TSEN2: variants seen among roughly 807,000 people sequenced by gnomAD.
The protein encoded by TSEN2 is tRNA splicing endonuclease subunit 2, also known as tRNA-splicing endonuclease subunit Sen2.
A neutral mutation model predicts 59.2 loss-of-function variants in TSEN2; 54 were observed. That is an observed-to-expected ratio of 0.91 (90% CI 0.73 to 1.14). TSEN2 has a LOEUF of 1.14. Ranked by LOEUF, TSEN2 falls within the 50% of genes most tolerant of loss-of-function variation. The probability of loss-of-function intolerance (pLI) is 0.00; values close to 1 mark genes in which losing one functional copy is unlikely to be tolerated. For missense variants in TSEN2, 636 were observed against 576.2 expected (o/e 1.10, Z -1.06); for synonymous variants, 195 against 198.2 (o/e 0.98, Z 0.14).
At chr3:12,517,042 C>G (rs1190667804) in intron 7 of TSEN2, among the ~76,000 whole-genome samples, 1 of 152,116 alleles carries the variant, frequency 6.6e-6, no homozygotes, top group Non-Finnish European at 1.5e-5. Flanking sequence ...CTTATCTCCA[C>G]CTGGTTAGAA....
At chr3:12,489,762 G>T (rs754526225) in intron 1 of TSEN2, 22 bp from the exon 2 acceptor site, 1 of 1,599,460 alleles carries the variant, frequency 6.3e-7, no homozygotes, top group Admixed American at 1.7e-5. Context: ...GTTTCTTTCT[G>T]TTTGTTGTCT....
chr3:12,513,397 G>A (rs1160217796), intron 6 of TSEN2, among the ~76,000 whole-genome samples: 11 of 152,096 alleles, frequency 7.2e-5, no homozygotes, highest in Admixed American at 5.9e-4. Context: ...AGGCCGAGGC[G>A]GGCAGATCAC....
At chr3:12,532,309 T>C (rs1348176003) in intron 11 of TSEN2, among the ~76,000 whole-genome samples, 1 of 152,170 alleles carries the variant, frequency 6.6e-6, no homozygotes, top group Non-Finnish European at 1.5e-5. Context: ...ATCAACCTCA[T>C]TTCTCCCTTC....
At chr3:12,522,374 A>G (rs2056717884) in intron 8 of TSEN2, among the ~76,000 whole-genome samples, 1 of 152,148 alleles carries the variant, frequency 6.6e-6, no homozygotes, top group Non-Finnish European at 1.5e-5. Flanking sequence ...TGTACAATTA[A>G]TACATTAATT....
intron 2 of TSEN2, among the ~76,000 whole-genome samples, chr3:12,490,637 G>T (rs1208264487): frequency 6.6e-6 from 1 of 152,204 alleles, no homozygotes; most frequent in African/African-American, 2.4e-5. Flanking sequence ...TCCTCCCATT[G>T]TAAGTATACA....
At chr3:12,513,062 A>C (rs549536141) in intron 6 of TSEN2, among the ~76,000 whole-genome samples, 1 of 152,322 alleles carries the variant, frequency 6.6e-6, no homozygotes, top group Non-Finnish European at 1.5e-5. Context: ...TTTAAATAAA[A>C]CCAACTCAGT....
At chr3:12,514,704 T>C (rs1661844672) in intron 6 of TSEN2, 1 of 152,144 alleles carries the variant, frequency 6.6e-6, no homozygotes, top group Admixed American at 6.5e-5. Flanking sequence ...AAAATAATAA[T>C]AGTGATGTCT....
At chr3:12,510,430 T>C (rs1224423510) in intron 6 of TSEN2, among the ~76,000 whole-genome samples, 1 of 152,216 alleles carries the variant, frequency 6.6e-6, no homozygotes, top group Admixed American at 6.5e-5. Context: ...TATATACTTA[T>C]AAAGCTTTTA....
At chr3:12,513,375 C>T (rs961587095) in intron 6 of TSEN2, among the ~76,000 whole-genome samples, 3 of 152,138 alleles carry the variant, frequency 2.0e-5, no homozygotes, top group Non-Finnish European at 4.4e-5. Context: ...CCTGTAATCT[C>T]AGTACTTTGG....
At chr3:12,506,525 G>A (rs1262904300) in intron 6 of TSEN2, among the ~76,000 whole-genome samples, 1 of 151,576 alleles carries the variant, frequency 6.6e-6, no homozygotes, top group African/African-American at 2.4e-5. Flanking sequence ...AGCCTGGGAG[G>A]TCGAGGCTTT....
rs532991161 is a variant in TSEN2, at chr3:12,520,651, G to A, written c.1099+1454G>A. Among the ~76,000 whole-genome samples, 17 of 152,172 alleles carry A rather than the reference G, an allele frequency of 1.1e-4. No homozygotes were observed. In the East Asian group the frequency reaches 1.2e-3, roughly 10 times the overall value. ...CTAAAAATACAAAAATTAGCTGGGC[G>A]TGGTAGCAGGCACTTGTAATCCCAG... On this transcript the variant is annotated intron_variant, in intron 8 of 11. Transcript: ENST00000284995.
chr3:12,527,021 G>A (rs1215638638), intron 8 of TSEN2, among the ~76,000 whole-genome samples: 1 of 152,222 alleles, frequency 6.6e-6, no homozygotes, highest in Non-Finnish European at 1.5e-5. Context: ...CTTGCCTAAA[G>A]GCACACAACT....
At chr3:12,514,446 GC>G (rs2055838052) in intron 6 of TSEN2, among the ~76,000 whole-genome samples, 1 of 152,110 alleles carries the variant, frequency 6.6e-6, no homozygotes, top group Non-Finnish European at 1.5e-5. Flanking sequence ...GAATCTGGAT[GC>G]TATGGAGAGT....
intron 6 of TSEN2, among the ~76,000 whole-genome samples, chr3:12,515,374 C>T (rs1490116706): frequency 6.6e-6 from 1 of 152,240 alleles, no homozygotes; most frequent in African/African-American, 2.4e-5. Flanking sequence ...TGCTCCCACA[C>T]TGCACAAGAG....
At chr3:12,512,650 G>A (rs1328660421) in intron 6 of TSEN2, among the ~76,000 whole-genome samples, 1 of 152,200 alleles carries the variant, frequency 6.6e-6, no homozygotes, top group South Asian at 2.1e-4. Context: ...TCCTGGTTAG[G>A]CACCTACAAC....
intron 8 of TSEN2, among the ~76,000 whole-genome samples, chr3:12,525,107 G>T (rs915240277): frequency 6.6e-6 from 1 of 151,808 alleles, no homozygotes; most frequent in African/African-American, 2.4e-5. Context: ...GACTTTTTTC[G>T]AAGTCTTTTA....
chr3:12,516,319 G>A (rs765022816), intron 6 of TSEN2, among the ~76,000 whole-genome samples: 2 of 152,074 alleles, frequency 1.3e-5, no homozygotes, highest in Admixed American at 6.6e-5. Flanking sequence ...CCAGCTACTC[G>A]GGAGGCTGAG....
intron 8 of TSEN2, among the ~76,000 whole-genome samples, chr3:12,521,551 G>T (rs917583216): frequency 6.6e-6 from 1 of 151,940 alleles, no homozygotes; most frequent in African/African-American, 2.4e-5. Context: ...CCTGTGTCTA[G>T]CACAAATACA....
At chr3:12,534,760 C>T (rs934088597), downstream of TSEN2, among the ~76,000 whole-genome samples, 36 of 148,196 alleles carry the variant, frequency 2.4e-4, no homozygotes, top group African/African-American at 8.2e-4. Context: ...GCCGAGATCG[C>T]GCCACTGCAC....
Sources: allele counts gnomAD v4.1 joint callset (sites outside exome capture counted in the v4.1 genomes callset), GRCh38; gene constraint gnomAD v4.1.1; transcripts MANE v1.5; gene names NCBI Gene and HGNC (gene_info 2026-07-23, HGNC 2026-07-21).